The following CLCA4 variants were observed in gnomAD, a reference collection of about 807,000 sequenced individuals.
The protein encoded by CLCA4 is chloride channel accessory 4, also known as calcium-activated chloride channel regulator 4.
Under a neutral mutation model 78.9 loss-of-function variants are expected in CLCA4, and 69 were observed. That is an observed-to-expected ratio of 0.87 (90% CI 0.72 to 1.07). The LOEUF is 1.07. CLCA4 is among the 50% of genes least tolerant of loss of function. The pLI, the probability that CLCA4 is intolerant of heterozygous loss-of-function variation, is 0.00. For missense variants in CLCA4, 1,133 were observed against 1,095.8 expected, an observed-to-expected ratio of 1.03 and a Z score of -0.48; for synonymous variants, 362 against 375.8, an observed-to-expected ratio of 0.96 and a Z score of 0.42.
In CLCA4 at chr1:86,580,446, A is replaced by G. The variant is rs1650685376; in HGVS notation, c.*101A>G. 3 of 889,530 alleles carry G rather than the reference A, an allele frequency of 3.4e-6. No homozygotes were observed. The highest frequency in any genetic ancestry group is 3.4e-5 in the African/African-American group (2 of 59,012). 55.1% of individuals were successfully genotyped at this position (889,530 alleles called of 1,614,324 possible). On this transcript the variant is annotated 3_prime_UTR_variant, in exon 14 of 14. Coordinates refer to ENST00000370563, the MANE Select transcript of CLCA4 (RefSeq NM_012128.4). ...ATTTCTGAATCTTAAAATTCATCCCATGTGTGATCATAAACTCATAAAAAT... is the reference window on the plus strand; with the variant it reads ...ATTTCTGAATCTTAAAATTCATCCCGTGTGTGATCATAAACTCATAAAAAT...
intron 5 of CLCA4, 133 bp from the exon 6 acceptor site, chr1:86,565,669 T>C (rs944825343): frequency 1.9e-5 from 12 of 635,956 alleles, no homozygotes; most frequent in Admixed American, 1.0e-4. Context: ...TATTGTAATA[T>C]TGATGCTCAG....
At chr1:86,555,745 C>A (rs1649821307) in intron 1 of CLCA4, among the ~76,000 whole-genome samples, 1 of 151,930 alleles carries the variant, frequency 6.6e-6, no homozygotes, top group South Asian at 2.1e-4. Context: ...AATGTTGTTG[C>A]TAGTTTGATA....
chr1:86,552,962 A>C, intron 1 of CLCA4: 1 of 630,838 alleles, frequency 1.6e-6, no homozygotes. Context: ...GTGACTGGGC[A>C]AAGGTTAGAA....
At chr1:86,559,531 T>G (rs563251310) in intron 1 of CLCA4, among the ~76,000 whole-genome samples, 1 of 152,330 alleles carries the variant, frequency 6.6e-6, no homozygotes, top group Admixed American at 6.5e-5. Context: ...TACTGATAGA[T>G]AGTAATAGTC....
chr1:86,579,891 T>C (rs2231602), intron 13 of CLCA4, 51 bp from the exon 14 acceptor site: 2 of 1,165,106 alleles, frequency 1.7e-6, no homozygotes, highest in Non-Finnish European at 2.4e-6. Context: ...TAAAAAGGAA[T>C]GAATATGCTA....
At chr1:86,556,579 C>A (rs568974328) in intron 1 of CLCA4, among the ~76,000 whole-genome samples, 1 of 152,016 alleles carries the variant, frequency 6.6e-6, no homozygotes, top group African/African-American at 2.4e-5. Context: ...CTGCTGGATT[C>A]GGTTTGCCAG....
At chr1:86,556,779 C>T (rs1166443022) in intron 1 of CLCA4, among the ~76,000 whole-genome samples, 1 of 152,150 alleles carries the variant, frequency 6.6e-6, no homozygotes, top group Non-Finnish European at 1.5e-5. Flanking sequence ...CTTCTTTGTA[C>T]ATCTGGTAGA....
intron 8 of CLCA4, 89 bp from the exon 9 acceptor site, chr1:86,572,525 G>T: frequency 1.3e-6 from 1 of 764,788 alleles, no homozygotes; most frequent in East Asian, 2.6e-5. Context: ...CTGAAACTAT[G>T]ATTTTGTTTT....
chr1:86,569,210 G>A (rs1223178274), intron 7 of CLCA4, among the ~76,000 whole-genome samples: 2 of 151,954 alleles, frequency 1.3e-5, no homozygotes, highest in Non-Finnish European at 2.9e-5. Context: ...GGGTAGAGAG[G>A]CCAATGAGCC....
At chr1:86,579,315 T>C (rs368633366) in intron 12 of CLCA4, 39 bp from the exon 13 acceptor site, 27 of 1,392,216 alleles carry the variant, frequency 1.9e-5, no homozygotes, top group Middle Eastern at 1.8e-4. Context: ...TAAATACCAG[T>C]AGTTTTGCCC....
At chr1:86,552,957 TG>T in intron 1 of CLCA4, 1 of 631,294 alleles carries the variant, frequency 1.6e-6, no homozygotes. Context: ...CTGAGGTGAC[TG>T]GGCAAAGGTT....
At chr1:86,569,584 A>G (rs866238806) in intron 7 of CLCA4, among the ~76,000 whole-genome samples, 5 of 152,042 alleles carry the variant, frequency 3.3e-5, no homozygotes, top group African/African-American at 1.2e-4. Flanking sequence ...AAAAGTGGTA[A>G]TAGGAAGACA....
intron 7 of CLCA4, among the ~76,000 whole-genome samples, chr1:86,569,585 T>C (rs1352597886): frequency 6.6e-6 from 1 of 152,008 alleles, no homozygotes; most frequent in Non-Finnish European, 1.5e-5. Flanking sequence ...AAAGTGGTAA[T>C]AGGAAGACAT....
At chr1:86,576,926 G>A (rs1348074276) in intron 11 of CLCA4, among the ~76,000 whole-genome samples, 1 of 152,044 alleles carries the variant, frequency 6.6e-6, no homozygotes, top group Admixed American at 6.5e-5. Flanking sequence ...AGGTTAATGA[G>A]CAAGGAAATA....
chr1:86,563,305 C>T lies in CLCA4; in HGVS notation c.449-356C>T, dbSNP rs137931004. ...TGTCTTAAATACCATAAATGAATTC[C>T]TTCATTTTAACATCCCCATGGTTAT... is the stretch of plus-strand genomic sequence containing the variant. On this transcript the variant is annotated intron_variant, in intron 3 of 13. Coordinates refer to ENST00000370563, the MANE Select transcript of CLCA4 (RefSeq NM_012128.4). 5.3e-5 allele frequency among the ~76,000 whole-genome samples: 8 copies of T among 149,664 alleles called. No homozygotes were observed. In the East Asian group the frequency reaches 7.9e-4, roughly 15 times the overall value.
At chr1:86,571,492 T>G (rs948693095) in intron 8 of CLCA4, 5 of 367,614 alleles carry the variant, frequency 1.4e-5, no homozygotes, top group Admixed American at 8.4e-5. Flanking sequence ...AAAAATAAAG[T>G]TCTATGTGAG....
intron 11 of CLCA4, among the ~76,000 whole-genome samples, chr1:86,576,161 GT>G (rs888793915): frequency 6.6e-6 from 1 of 151,446 alleles, no homozygotes; most frequent in Non-Finnish European, 1.5e-5. Context: ...TTTTTTGTTT[GT>G]TTTTTTTGTT....
intron 1 of CLCA4, among the ~76,000 whole-genome samples, chr1:86,548,691 A>G (rs1371873437): frequency 2.7e-5 from 4 of 150,284 alleles, no homozygotes; most frequent in African/African-American, 7.5e-5. Flanking sequence ...CTGGAAAAAA[A>G]AAAAAAAAAA....
intron 1 of CLCA4, among the ~76,000 whole-genome samples, chr1:86,553,864 A>G (rs745750581): frequency 2.7e-4 from 41 of 151,922 alleles, no homozygotes; most frequent in Middle Eastern, 3.2e-3. Context: ...TGAACCCGGG[A>G]GGCGGAGGTT....
Sources: gnomAD v4.1 joint callset for allele counts (sites outside exome capture counted in the v4.1 genomes callset) on GRCh38, gnomAD v4.1.1 for gene constraint, MANE v1.5 for transcripts, NCBI Gene and HGNC (gene_info 2026-07-23, HGNC 2026-07-21) for gene names.